GIPC2: variants seen among roughly 807,000 people sequenced by gnomAD.
GIPC2 encodes the protein PDZ domain-containing protein GIPC2.
In GIPC2, 30 loss-of-function variants were observed where a neutral mutation model predicts 30.6. That is an observed-to-expected ratio of 0.98 (90% CI 0.73 to 1.33). The LOEUF (loss-of-function observed/expected upper bound fraction) is 1.33, where lower values mean the gene tolerates loss of function less well. GIPC2 is among the 40% of genes most tolerant of loss of function. The pLI is 0.00. For missense variants in GIPC2, 414 were observed against 390.3 expected (o/e 1.06, Z -0.51); for synonymous variants, 167 against 150.0 (o/e 1.11, Z -0.83).
chr1:78,091,370 C>T, intron 2 of GIPC2: 1 of 497,218 alleles, frequency 2.0e-6, no homozygotes, highest in Non-Finnish European at 3.7e-6. Context: ...GGACATGTAG[C>T]TCAGAGTCTG....
chr1:78,135,550 C>G, intron 5 of GIPC2, 42 bp from the exon 6 acceptor site: 1 of 1,215,336 alleles, frequency 8.2e-7, no homozygotes, highest in Non-Finnish European at 1.2e-6. Flanking sequence ...TCCTTTGATG[C>G]TATTTCATTT....
Position 78,048,580 on chromosome 1 carries a change from C to T in GIPC2, c.240+2246C>T, listed in dbSNP as rs893519827. On this transcript the variant is annotated intron_variant, in intron 1 of 5. Transcript: ENST00000370759. ...TAGCTGGGACTACAGGCATGTGCCA[C>T]CACATCTGGCTAATTAAAAAAACTT... Among the ~76,000 whole-genome samples the T allele has an allele frequency of 3.5e-4, 53 of 152,200 alleles. 1 individual carries two copies. The highest frequency in any genetic ancestry group is 1.2e-3 in the African/African-American group (49 of 41,524).
chr1:78,051,841 G>T (rs937819257), intron 1 of GIPC2, among the ~76,000 whole-genome samples: 1 of 152,154 alleles, frequency 6.6e-6, no homozygotes, highest in Non-Finnish European at 1.5e-5. Context: ...CAAGCATGCT[G>T]TTATTTCTCT....
chr1:78,097,720 A>C (rs1170384570), intron 3 of GIPC2, among the ~76,000 whole-genome samples: 1 of 152,200 alleles, frequency 6.6e-6, no homozygotes, highest in Non-Finnish European at 1.5e-5. Context: ...GAAGGCATTT[A>C]TTAGAGACTA....
At chr1:78,130,323 C>T (rs933673252) in intron 5 of GIPC2, among the ~76,000 whole-genome samples, 1 of 151,982 alleles carries the variant, frequency 6.6e-6, no homozygotes, top group Non-Finnish European at 1.5e-5. Flanking sequence ...AGGCTGGTCC[C>T]GAACTCCTGA....
intron 2 of GIPC2, among the ~76,000 whole-genome samples, chr1:78,093,486 A>G (rs981504229): frequency 1.3e-5 from 2 of 152,282 alleles, no homozygotes; most frequent in Non-Finnish European, 2.9e-5. Flanking sequence ...ATGAATGAAC[A>G]TAGCAATATT....
chr1:78,084,547 G>T (rs1459754097), intron 2 of GIPC2, among the ~76,000 whole-genome samples: 3 of 151,092 alleles, frequency 2.0e-5, no homozygotes, highest in Non-Finnish European at 4.4e-5. Flanking sequence ...TCGTAACGAT[G>T]CTTCTAATTG....
chr1:78,056,475 A>G (rs1040155209), intron 1 of GIPC2, among the ~76,000 whole-genome samples: 3 of 152,158 alleles, frequency 2.0e-5, no homozygotes, highest in African/African-American at 7.2e-5. Context: ...CCCTGTCTCA[A>G]AAAAACAAAA....
chr1:78,129,453 T>A (rs186638247), intron 5 of GIPC2, among the ~76,000 whole-genome samples: 132 of 152,360 alleles, frequency 8.7e-4, no homozygotes, highest in African/African-American at 2.9e-3. Context: ...TTTGTTAACG[T>A]AAGTATATAT....
chr1:78,092,052 A>G (rs1662051546), intron 2 of GIPC2: 18 of 1,528,422 alleles, frequency 1.2e-5, no homozygotes, highest in East Asian at 4.5e-5. Flanking sequence ...ACTGGCTCCA[A>G]GTAGACCATG....
chr1:78,065,439 G>T (rs1010090177), intron 1 of GIPC2, among the ~76,000 whole-genome samples: 2 of 151,246 alleles, frequency 1.3e-5, no homozygotes, highest in Admixed American at 6.6e-5. Context: ...GAAATAGGAA[G>T]AATCAATATC....
chr1:78,110,166 C>T (rs1294907033), intron 3 of GIPC2, among the ~76,000 whole-genome samples: 1 of 151,254 alleles, frequency 6.6e-6, no homozygotes, highest in African/African-American at 2.4e-5. Flanking sequence ...GCACATGTAA[C>T]CTAAAACTTA....
chr1:78,132,665 A>ATG (rs61463492), intron 5 of GIPC2, among the ~76,000 whole-genome samples: 7,762 of 142,638 alleles, frequency 0.054, 256 homozygotes, highest in South Asian at 0.093. Flanking sequence ...ATAGCCAAGG[A>ATG]TGTGTGTGTG....
chr1:78,076,475 C>G (rs969120570), intron 1 of GIPC2, among the ~76,000 whole-genome samples: 3 of 152,184 alleles, frequency 2.0e-5, no homozygotes, highest in Admixed American at 2.0e-4. Flanking sequence ...GAAACTGTTC[C>G]ACCTCAGATC....
intron 1 of GIPC2, among the ~76,000 whole-genome samples, chr1:78,053,988 A>G (rs1313833950): frequency 1.3e-5 from 2 of 152,084 alleles, no homozygotes; most frequent in Non-Finnish European, 2.9e-5. Context: ...CAGCCAAACA[A>G]TGTCTCATAT....
At chr1:78,046,752 G>A (rs940197698) in intron 1 of GIPC2, among the ~76,000 whole-genome samples, 12 of 152,156 alleles carry the variant, frequency 7.9e-5, no homozygotes, top group Admixed American at 7.9e-4. Context: ...AGGCGTGAGA[G>A]TCACGCAGGT....
intron 1 of GIPC2, among the ~76,000 whole-genome samples, chr1:78,056,095 A>G (rs1661290406): frequency 6.6e-6 from 1 of 152,132 alleles, no homozygotes; most frequent in Non-Finnish European, 1.5e-5. Context: ...CATAACTCTT[A>G]TCAGACTTTA....
At chr1:78,128,105 G>A (rs1022961293) in intron 5 of GIPC2, among the ~76,000 whole-genome samples, 1 of 152,314 alleles carries the variant, frequency 6.6e-6, no homozygotes, top group African/African-American at 2.4e-5. Context: ...ATTTTCGTGT[G>A]GATGCTTTTA....
upstream of GIPC2, chr1:78,045,068 A>T (rs566486030): frequency 1.0e-6 from 1 of 983,682 alleles, no homozygotes; most frequent in African/African-American, 1.7e-5. Flanking sequence ...AAAATTTAAG[A>T]AGAATGAAAT....
Sources: gnomAD v4.1 joint callset for allele counts (sites outside exome capture counted in the v4.1 genomes callset) on GRCh38, gnomAD v4.1.1 for gene constraint, MANE v1.5 for transcripts, NCBI Gene and HGNC (gene_info 2026-07-23, HGNC 2026-07-21) for gene names.